TEX9: variants seen among roughly 807,000 people sequenced by gnomAD.
TEX9 encodes testis expressed 9.
TEX9 carries 74 observed loss-of-function variants against 59.6 expected under a neutral mutation model. That is an observed-to-expected ratio of 1.24 (90% CI 1.03 to 1.51). TEX9 has a LOEUF of 1.51. Among genes scored for constraint, TEX9 ranks in the 40% most tolerant of loss-of-function variants. The pLI is 0.00. For missense variants in TEX9, 522 were observed against 447.8 expected (o/e 1.17, Z -1.49); for synonymous variants, 186 against 152.2 (o/e 1.22, Z -1.64).
intron 10 of TEX9, among the ~76,000 whole-genome samples, chr15:56,420,609 C>G (rs1436980992): frequency 6.6e-6 from 1 of 151,824 alleles, no homozygotes; most frequent in East Asian, 1.9e-4. Context: ...CGCCTGGCCT[C>G]TTTTTCTAAT....
chr15:56,254,912 A>G (rs1265161377), intron 1 of TEX9, among the ~76,000 whole-genome samples: 6 of 151,984 alleles, frequency 3.9e-5, no homozygotes, highest in Admixed American at 3.3e-4. Flanking sequence ...AACTCAGGAC[A>G]TATGTATCAC....
intron 1 of TEX9, among the ~76,000 whole-genome samples, chr15:56,304,363 A>G (rs2045428662): frequency 6.6e-6 from 1 of 152,208 alleles, no homozygotes; most frequent in Admixed American, 6.5e-5. Flanking sequence ...CCCATTTAGT[A>G]TGATACTAGC....
chr15:56,441,975 A>C (rs1213849596), intron 12 of TEX9, among the ~76,000 whole-genome samples: 1 of 152,042 alleles, frequency 6.6e-6, no homozygotes, highest in African/African-American at 2.4e-5. Flanking sequence ...AGCCGAGATC[A>C]CGCCACTGCA....
In TEX9 at chr15:56,270,032, C is replaced by G. The variant is rs890445389; in HGVS notation, c.-107+25754C>G. Reference sequence around the variant, plus strand: ...GAGACAGTTTGTTGTGATTTCTGTTCTTTTACATTTGCTGAGGAGTGCTTT... The same window carrying G: ...GAGACAGTTTGTTGTGATTTCTGTTGTTTTACATTTGCTGAGGAGTGCTTT... On this transcript the variant is annotated intron_variant, in intron 1 of 5. Coordinates refer to the TEX9 transcript ENST00000560827. Among the ~76,000 whole-genome samples the G allele has an allele frequency of 1.1e-4, 17 of 152,274 alleles. No individual in the cohort carries two copies. The East Asian group carries it at 1.9e-3, about 17-fold the overall frequency.
At chr15:56,417,625 G>A (rs1596222559) in intron 10 of TEX9, among the ~76,000 whole-genome samples, 3 of 152,018 alleles carry the variant, frequency 2.0e-5, no homozygotes, top group African/African-American at 7.3e-5. Context: ...GTCAGTTTTA[G>A]AGTATGTGCC....
At chr15:56,268,004 C>T (rs2044429725) in intron 1 of TEX9, among the ~76,000 whole-genome samples, 1 of 152,082 alleles carries the variant, frequency 6.6e-6, no homozygotes, top group Non-Finnish European at 1.5e-5. Flanking sequence ...TTTCATTGAG[C>T]AGTGGTTTGT....
At chr15:56,358,906 G>T (rs1041818025) in intron 1 of TEX9, among the ~76,000 whole-genome samples, 1 of 152,050 alleles carries the variant, frequency 6.6e-6, no homozygotes, top group Non-Finnish European at 1.5e-5. Flanking sequence ...CTGCCGCCAC[G>T]TAAGACATGC....
At chr15:56,367,298 TTC>T (rs1179399785) in intron 2 of TEX9, among the ~76,000 whole-genome samples, 5 of 152,212 alleles carry the variant, frequency 3.3e-5, no homozygotes, top group African/African-American at 1.2e-4. Context: ...TCTAGAATAC[TTC>T]TGTGTCATGT....
intron 2 of TEX9, among the ~76,000 whole-genome samples, chr15:56,366,671 G>A (rs1401330805): frequency 6.6e-6 from 1 of 152,262 alleles, no homozygotes; most frequent in East Asian, 1.9e-4. Flanking sequence ...TTATAAAAAA[G>A]TGCCTTTTAA....
chr15:56,405,698 A>G lies in TEX9; in HGVS notation c.829-6604A>G, dbSNP rs539601047. Among the ~76,000 whole-genome samples, 421 of 152,232 alleles carry G rather than the reference A, an allele frequency of 2.8e-3. 1 individual carries two copies. Among genetic ancestry groups the G allele is most frequent in the Non-Finnish European group, 5.1e-3 (345 of 68,002 alleles). ...AGCCATGAGAACTCAAGATTGAATC[A>G]TTCTCTGCTAAGTCTCATTTTATAT... On this transcript the variant is annotated intron_variant, in intron 9 of 12. Coordinates refer to ENST00000352903, the Ensembl canonical transcript of TEX9.
At chr15:56,459,685 G>A in the TEX9 span, among the ~76,000 whole-genome samples, 1 of 151,900 alleles carries the variant, frequency 6.6e-6, no homozygotes, top group East Asian at 1.9e-4. Context: ...ACAAAGATTG[G>A]AGAAGAAACA....
chr15:56,293,680 A>G lies in TEX9; in HGVS notation c.-107+49402A>G, dbSNP rs144583917. On this transcript the variant is annotated intron_variant, in intron 1 of 5. Transcript: ENST00000560827. Reference sequence around the variant, plus strand: ...AGATTACAGGTATCAGCCTGACCTCAAAAGGTCAGCCATGCAGGCAGTATG... The same window carrying G: ...AGATTACAGGTATCAGCCTGACCTCGAAAGGTCAGCCATGCAGGCAGTATG... Among the ~76,000 whole-genome samples the G allele has an allele frequency of 2.3e-4, 35 of 152,328 alleles. No homozygotes were observed. In the East Asian group the frequency reaches 6.4e-3, roughly 28 times the overall value.
At chr15:56,404,888 A>C (rs1443391639) in intron 9 of TEX9, among the ~76,000 whole-genome samples, 2 of 152,178 alleles carry the variant, frequency 1.3e-5, no homozygotes, top group African/African-American at 4.8e-5. Context: ...AAGGACAGAA[A>C]ACCAAACACC....
intron 7 of TEX9, among the ~76,000 whole-genome samples, chr15:56,391,845 C>G (rs1403074010): frequency 6.6e-6 from 1 of 152,072 alleles, no homozygotes; most frequent in African/African-American, 2.4e-5. Flanking sequence ...GTTAAATCAA[C>G]ACATGCAAAA....
intron 1 of TEX9, among the ~76,000 whole-genome samples, chr15:56,352,696 A>C (rs1446955636): frequency 6.6e-6 from 1 of 152,156 alleles, no homozygotes; most frequent in African/African-American, 2.4e-5. Flanking sequence ...TTTTTACCAG[A>C]TGATATTTTA....
At chr15:56,282,416 G>A (rs1446257741) in intron 1 of TEX9, among the ~76,000 whole-genome samples, 2 of 151,988 alleles carry the variant, frequency 1.3e-5, no homozygotes, top group Non-Finnish European at 2.9e-5. Flanking sequence ...AACCCAAAAG[G>A]CATATTCATC....
In TEX9 at chr15:56,428,752, C is replaced by T. The variant is rs1436069964; in HGVS notation, c.*29+279C>T. On this transcript the variant is annotated intron_variant, in intron 12 of 12. Transcript: ENST00000352903. ...AAAAGAAAATTCCAAATATTTATTT[C>T]CCTGGCTAAATCAAGTAAGTAAAGT... is the stretch of plus-strand genomic sequence containing the variant. 2.6e-5 allele frequency: 9 copies of T among 352,556 alleles called. No individual in the cohort carries two copies. In the East Asian group the frequency reaches 4.6e-4, roughly 18 times the overall value. 21.8% of individuals were successfully genotyped at this position (352,556 alleles called of 1,614,324 possible). A position where few individuals can be genotyped will look rare whatever the true frequency, so the allele number is the denominator to read the frequency against.
intron 9 of TEX9, among the ~76,000 whole-genome samples, chr15:56,398,863 G>T (rs563191932): frequency 6.6e-6 from 1 of 152,314 alleles, no homozygotes; most frequent in South Asian, 2.1e-4. Flanking sequence ...GCCAGGCATG[G>T]TGGTTGATGC....
intron 4 of TEX9, among the ~76,000 whole-genome samples, chr15:56,385,254 G>T (rs1314796631): frequency 6.6e-6 from 1 of 152,134 alleles, no homozygotes; most frequent in Non-Finnish European, 1.5e-5. Context: ...TACCCTTGTT[G>T]TAACTGTGGA....
Sources: gnomAD v4.1 joint callset for allele counts (sites outside exome capture counted in the v4.1 genomes callset) on GRCh38, gnomAD v4.1.1 for gene constraint, MANE v1.5 for transcripts, NCBI Gene and HGNC (gene_info 2026-07-23, HGNC 2026-07-21) for gene names.